Variants in DCLK1 observed in about 807,000 individuals in gnomAD.
The protein encoded by DCLK1 is serine/threonine-protein kinase DCLK1.
A neutral mutation model predicts 86.2 loss-of-function variants in DCLK1; 16 were observed. The ratio of observed to expected loss-of-function variants is 0.19; its 90% confidence interval spans 0.13 to 0.28. The LOEUF (loss-of-function observed/expected upper bound fraction) is 0.28, where lower values mean the gene tolerates loss of function less well. Ranked by LOEUF, DCLK1 falls within the 10% of genes least tolerant of loss-of-function variation. The pLI, the probability that DCLK1 is intolerant of heterozygous loss-of-function variation, is 1.00. For missense variants in DCLK1, 590 were observed against 940.2 expected (o/e 0.63, Z 4.87); for synonymous variants, 369 against 370.5 (o/e 1.00, Z 0.05).
At chr13:35,963,573 C>T (rs767843732) in intron 3 of DCLK1, among the ~76,000 whole-genome samples, 5 of 152,064 alleles carry the variant, frequency 3.3e-5, no homozygotes, top group African/African-American at 4.8e-5. Context: ...TCCAGAACCA[C>T]GAAGTAGTTA....
intron 4 of DCLK1, among the ~76,000 whole-genome samples, chr13:35,910,441 A>C (rs1338674262): frequency 6.6e-6 from 1 of 152,194 alleles, no homozygotes; most frequent in African/African-American, 2.4e-5. Flanking sequence ...GGAACTATGG[A>C]TTTTGTGCCT....
intron 6 of DCLK1, chr13:35,848,228 A>G (rs1870354564): frequency 2.0e-6 from 2 of 985,114 alleles, no homozygotes. Context: ...TTTTTTATAA[A>G]GAATTCTATA....
chr13:35,890,828 T>G (rs1342441126), intron 4 of DCLK1, among the ~76,000 whole-genome samples: 1 of 151,882 alleles, frequency 6.6e-6, no homozygotes, highest in Non-Finnish European at 1.5e-5. Flanking sequence ...ATAAGCCATT[T>G]GGACTTTCTC....
chr13:35,910,324 A>C (rs1309734329), intron 4 of DCLK1, among the ~76,000 whole-genome samples: 1 of 152,202 alleles, frequency 6.6e-6, no homozygotes, highest in Non-Finnish European at 1.5e-5. Flanking sequence ...CTGCCTCTAC[A>C]GGAGATGAAT....
intron 3 of DCLK1, among the ~76,000 whole-genome samples, chr13:36,031,799 G>A (rs187108699): frequency 5.8e-4 from 88 of 152,290 alleles, no homozygotes; most frequent in Non-Finnish European, 8.4e-4. Flanking sequence ...TCATGTCAGC[G>A]CAGGAGGAAC....
intron 3 of DCLK1, among the ~76,000 whole-genome samples, chr13:35,949,924 T>A (rs1255132429): frequency 6.7e-6 from 1 of 149,520 alleles, no homozygotes; most frequent in Admixed American, 6.9e-5. Context: ...ATGCAATGAT[T>A]GTTAGAGAAA....
At chr13:36,109,992 C>G (rs971896972) in intron 3 of DCLK1, among the ~76,000 whole-genome samples, 24 of 152,124 alleles carry the variant, frequency 1.6e-4, no homozygotes, top group Non-Finnish European at 8.8e-5. Context: ...TTTTTAGATT[C>G]AGAGTAGCAT....
intron 3 of DCLK1, among the ~76,000 whole-genome samples, chr13:36,026,638 T>C (rs1299818176): frequency 6.6e-6 from 1 of 152,238 alleles, no homozygotes; most frequent in Non-Finnish European, 1.5e-5. Context: ...ATTATTGCTT[T>C]AGGGCTGTGG....
chr13:35,983,053 T>C (rs924569816), intron 3 of DCLK1, among the ~76,000 whole-genome samples: 1 of 152,124 alleles, frequency 6.6e-6, no homozygotes, highest in Non-Finnish European at 1.5e-5. Context: ...TGTGAGCCAC[T>C]GCACCCGACC....
intron 3 of DCLK1, among the ~76,000 whole-genome samples, chr13:35,980,559 T>G (rs1275967830): frequency 6.6e-6 from 1 of 152,112 alleles, no homozygotes; most frequent in Non-Finnish European, 1.5e-5. Context: ...CCCTTCTACT[T>G]TCTGTCTTTT....
intron 4 of DCLK1, among the ~76,000 whole-genome samples, chr13:35,946,299 C>T (rs1263548879): frequency 6.6e-6 from 1 of 152,178 alleles, no homozygotes; most frequent in African/African-American, 2.4e-5. Flanking sequence ...CCACCATGCC[C>T]ATCCTCTAAG....
chr13:35,966,632 G>C (rs932998826), intron 3 of DCLK1, among the ~76,000 whole-genome samples: 1 of 151,850 alleles, frequency 6.6e-6, no homozygotes. Context: ...AGCCTGCCGA[G>C]TGCCTGGGAT....
intron 3 of DCLK1, among the ~76,000 whole-genome samples, chr13:35,961,172 G>A (rs1308569975): frequency 6.6e-6 from 1 of 152,152 alleles, no homozygotes; most frequent in Non-Finnish European, 1.5e-5. Flanking sequence ...CCTTCACAGA[G>A]AGAAGGAGGA....
chr13:35,884,226 G>C (rs1873094049), intron 4 of DCLK1, among the ~76,000 whole-genome samples: 1 of 151,842 alleles, frequency 6.6e-6, no homozygotes, highest in South Asian at 2.1e-4. Flanking sequence ...TAAACTAAAA[G>C]CATGAGGAGA....
At chr13:36,130,511 T>C (rs1886325836) in intron 1 of DCLK1, among the ~76,000 whole-genome samples, 1 of 151,886 alleles carries the variant, frequency 6.6e-6, no homozygotes, top group Non-Finnish European at 1.5e-5. Flanking sequence ...GAGGAAAAAA[T>C]GCCATTTCCT....
intron 16 of DCLK1, among the ~76,000 whole-genome samples, chr13:35,785,699 A>G (rs2153098458): frequency 6.6e-6 from 1 of 152,228 alleles, no homozygotes. Flanking sequence ...CGCGACTCCC[A>G]AGTGTTCGGC....
chr13:36,060,380 G>C (rs1401346953), intron 3 of DCLK1, among the ~76,000 whole-genome samples: 2 of 152,060 alleles, frequency 1.3e-5, no homozygotes, highest in African/African-American at 2.4e-5. Flanking sequence ...CCCATTCTCA[G>C]TGGTACAGTG....
chr13:36,091,946 T>G (rs1051993465), intron 3 of DCLK1, among the ~76,000 whole-genome samples: 2 of 152,220 alleles, frequency 1.3e-5, no homozygotes, highest in Non-Finnish European at 2.9e-5. Flanking sequence ...CTTGCTTTCC[T>G]AGCCCAGGGC....
chr13:36,045,353 T>C (rs1341709923), intron 3 of DCLK1, among the ~76,000 whole-genome samples: 2 of 119,222 alleles, frequency 1.7e-5, no homozygotes, highest in African/African-American at 6.6e-5. Context: ...TATATATATA[T>C]ATATATATAT....
Sources: gnomAD v4.1 joint callset for allele counts (sites outside exome capture counted in the v4.1 genomes callset) on GRCh38, gnomAD v4.1.1 for gene constraint, MANE v1.5 for transcripts, NCBI Gene and HGNC (gene_info 2026-07-23, HGNC 2026-07-21) for gene names.